IL1RAPL1: variants seen among roughly 807,000 people sequenced by gnomAD.
IL1RAPL1 encodes the protein interleukin 1 receptor accessory protein like 1.
A neutral mutation model predicts 48.4 loss-of-function variants in IL1RAPL1; 3 were observed. The observed-to-expected ratio is 0.06, with a 90% CI of 0.03 to 0.16. IL1RAPL1 has a LOEUF of 0.16. Ranked by LOEUF, IL1RAPL1 falls within the 10% of genes least tolerant of loss-of-function variation. The pLI is 1.00. For synonymous variants in IL1RAPL1, 185 were observed against 187.7 expected, an observed-to-expected ratio of 0.99 and a Z score of 0.12; for missense variants, 349 against 530.6, an observed-to-expected ratio of 0.66 and a Z score of 3.36.
chrX:29,128,615 C>T (rs1928949415), intron 2 of IL1RAPL1, among the ~76,000 whole-genome samples: 1 of 111,225 alleles, frequency 9.0e-6, no homozygotes, highest in South Asian at 3.8e-4. Flanking sequence ...GGCCTCCTAG[C>T]ACTTACCACA....
chrX:29,476,477 A>G (rs950709686), intron 5 of IL1RAPL1, among the ~76,000 whole-genome samples: 1 of 111,691 alleles, frequency 9.0e-6, no homozygotes, highest in African/African-American at 3.3e-5. Context: ...TGTGATGTAA[A>G]TAGTTATAGG....
chrX:29,845,889 G>T (rs913943575), intron 6 of IL1RAPL1, among the ~76,000 whole-genome samples: 13 of 110,313 alleles, frequency 1.2e-4, no homozygotes, highest in African/African-American at 4.3e-4. Context: ...AGAGAGCAAG[G>T]GGGGAGGTGC....
intron 2 of IL1RAPL1, among the ~76,000 whole-genome samples, chrX:28,794,498 G>T (rs1355894659): frequency 9.0e-6 from 1 of 111,618 alleles, no homozygotes; most frequent in Non-Finnish European, 1.9e-5. Context: ...ATATGGAGAA[G>T]AGTAAGTGGC....
At chrX:29,265,148 G>A (rs1931930285) in intron 2 of IL1RAPL1, among the ~76,000 whole-genome samples, 2 of 110,781 alleles carry the variant, frequency 1.8e-5, no homozygotes, top group Admixed American at 1.9e-4. Context: ...CCTGGCCTCA[G>A]GTGATCCGCC....
At chrX:29,562,107 ATCTATCTAATCT>A (rs762468807) in intron 5 of IL1RAPL1, among the ~76,000 whole-genome samples, 4,904 of 78,085 alleles carry the variant, frequency 0.063, 168 homozygotes, top group Non-Finnish European at 0.075. Flanking sequence ...CTATCTATCT[ATCTATCTAATCT>A]ATCTATCTAT....
At chrX:29,480,293 T>TAC (rs1388755770) in intron 5 of IL1RAPL1, among the ~76,000 whole-genome samples, 6 of 90,928 alleles carry the variant, frequency 6.6e-5, no homozygotes, top group African/African-American at 2.5e-4. Context: ...CACATATACA[T>TAC]ATATATATAT....
At chrX:29,663,899 T>A (rs1925918620) in intron 5 of IL1RAPL1, among the ~76,000 whole-genome samples, 1 of 112,437 alleles carries the variant, frequency 8.9e-6, no homozygotes, top group African/African-American at 3.2e-5. Context: ...GTCTACTATA[T>A]GCAGGAACTT....
chrX:29,508,833 C>G (rs1935363614), intron 5 of IL1RAPL1, among the ~76,000 whole-genome samples: 1 of 112,008 alleles, frequency 8.9e-6, no homozygotes, highest in African/African-American at 3.2e-5. Flanking sequence ...TCTTGCCTTT[C>G]TTTGATTGCT....
At chrX:28,847,155 G>A (rs1921530872) in intron 2 of IL1RAPL1, among the ~76,000 whole-genome samples, 1 of 110,931 alleles carries the variant, frequency 9.0e-6, no homozygotes, top group African/African-American at 3.3e-5. Context: ...AGATGATCAT[G>A]CCATAACCTT....
At chrX:28,642,226 C>A (rs746422225) in intron 1 of IL1RAPL1, among the ~76,000 whole-genome samples, 2 of 110,955 alleles carry the variant, frequency 1.8e-5, no homozygotes, top group Admixed American at 9.6e-5. Flanking sequence ...GACTTTAACA[C>A]CCCACTGTCA....
intron 3 of IL1RAPL1, among the ~76,000 whole-genome samples, chrX:29,335,236 A>T (rs373817072): frequency 4.8e-4 from 39 of 80,515 alleles, no homozygotes; most frequent in Non-Finnish European, 7.3e-4. Flanking sequence ...TTGGCTCGGC[A>T]TCAGAGGGAG....
intron 2 of IL1RAPL1, among the ~76,000 whole-genome samples, chrX:28,794,812 G>A (rs954699297): frequency 1.8e-5 from 2 of 112,250 alleles, no homozygotes; most frequent in Non-Finnish European, 3.8e-5. Flanking sequence ...GTGTTGTTAT[G>A]TATGGATATT....
chrX:29,172,974 C>G (rs759900691), intron 2 of IL1RAPL1, among the ~76,000 whole-genome samples: 2 of 111,607 alleles, frequency 1.8e-5, no homozygotes, highest in East Asian at 5.7e-4. Flanking sequence ...TGTCATGTCT[C>G]TTACAGAACA....
At chrX:29,759,824 T>C (rs1167732204) in intron 6 of IL1RAPL1, among the ~76,000 whole-genome samples, 2 of 112,028 alleles carry the variant, frequency 1.8e-5, no homozygotes, top group African/African-American at 6.5e-5. Context: ...AAATTATTGC[T>C]AGGCCCTTTA....
At chrX:28,740,816 G>T (rs1935897438) in intron 1 of IL1RAPL1, among the ~76,000 whole-genome samples, 1 of 111,773 alleles carries the variant, frequency 8.9e-6, no homozygotes, top group African/African-American at 3.3e-5. Context: ...TTGCTACAAG[G>T]ATTTGATTTC....
At chrX:29,691,765 A>C (rs940468710) in intron 6 of IL1RAPL1, among the ~76,000 whole-genome samples, 14 of 101,265 alleles carry the variant, frequency 1.4e-4, no homozygotes, top group Non-Finnish European at 2.8e-4. Context: ...AAAAAAAAAA[A>C]AAAAAAACTC....
At position 29,338,081 on chromosome X, in the gene IL1RAPL1, A is replaced by G. The variant is rs187322122; in HGVS notation, c.362+54864A>G. ...AGCATCTTAAGGACATAGAAACCAT[A>G]TCTTAATCATTTTTTATTGTGGCTT... On this transcript the variant is annotated intron_variant, in intron 3 of 10. Coordinates refer to ENST00000378993, the MANE Select transcript of IL1RAPL1 (RefSeq NM_014271.4). 1.3e-4 allele frequency among the ~76,000 whole-genome samples: 14 copies of G among 111,902 alleles called. No individual in the cohort carries two copies. The East Asian group carries it at 3.6e-3, about 29-fold the overall frequency.
At chrX:28,654,392 T>A (rs1054938645) in intron 1 of IL1RAPL1, among the ~76,000 whole-genome samples, 1 of 111,400 alleles carries the variant, frequency 9.0e-6, no homozygotes, top group Admixed American at 9.6e-5. Flanking sequence ...AAAATTACTT[T>A]AAATAAAAAA....
intron 6 of IL1RAPL1, among the ~76,000 whole-genome samples, chrX:29,755,988 T>G (rs1928602930): frequency 8.9e-6 from 1 of 112,299 alleles, no homozygotes; most frequent in Non-Finnish European, 1.9e-5. Flanking sequence ...TTGGACAAGT[T>G]ACTTTAACCT....
Sources: gnomAD v4.1 joint callset for allele counts (sites outside exome capture counted in the v4.1 genomes callset) on GRCh38, gnomAD v4.1.1 for gene constraint, MANE v1.5 for transcripts, NCBI Gene and HGNC (gene_info 2026-07-23, HGNC 2026-07-21) for gene names.